Variants in SNX25 observed in about 807,000 individuals in gnomAD.
SNX25 encodes sorting nexin-25.
A neutral mutation model predicts 113.7 loss-of-function variants in SNX25; 62 were observed. The ratio of observed to expected loss-of-function variants is 0.55; its 90% CI spans 0.44 to 0.67. The LOEUF (loss-of-function observed/expected upper bound fraction) is 0.67. Among genes scored for constraint, SNX25 ranks in the 30% least tolerant of loss-of-function variants. SNX25 has a pLI of 0.00. For synonymous variants in SNX25, 421 were observed against 436.2 expected (o/e 0.97, Z 0.43); for missense variants, 1,014 against 1,161.0 (o/e 0.87, Z 1.84).
chr4:185,309,167 G>A (rs1199168875), intron 6 of SNX25, among the ~76,000 whole-genome samples: 2 of 152,070 alleles, frequency 1.3e-5, no homozygotes, highest in Non-Finnish European at 2.9e-5. Flanking sequence ...GCTGTGGTTC[G>A]GGGAGCCTCG....
chr4:185,268,324 A>G (rs1011205410), intron 5 of SNX25, among the ~76,000 whole-genome samples: 1 of 152,154 alleles, frequency 6.6e-6, no homozygotes, highest in Admixed American at 6.5e-5. Flanking sequence ...TTTTGAGAAA[A>G]CACATTTGAA....
At chr4:185,376,577 A>G in the SNX25 span, among the ~76,000 whole-genome samples, 1 of 151,466 alleles carries the variant, frequency 6.6e-6, no homozygotes, top group Non-Finnish European at 1.5e-5. Context: ...TACAGGCGTG[A>G]GCCACCGCAC....
chr4:185,362,881 C>A (rs1013085901), intron 18 of SNX25, among the ~76,000 whole-genome samples, 170 bp downstream of exon 18: 3 of 134,640 alleles, frequency 2.2e-5, no homozygotes, highest in African/African-American at 8.5e-5. Flanking sequence ...TCGCTCTTGT[C>A]CCCCAGGCTG....
At chr4:185,223,517 G>A (rs894026342) in intron 1 of SNX25, among the ~76,000 whole-genome samples, 2 of 152,146 alleles carry the variant, frequency 1.3e-5, no homozygotes, top group South Asian at 2.1e-4. Flanking sequence ...TAGAAGTCAC[G>A]GTGGCCGGGG....
At chr4:185,296,279 C>CA (rs1752825298) in intron 6 of SNX25, among the ~76,000 whole-genome samples, 1 of 152,170 alleles carries the variant, frequency 6.6e-6, no homozygotes, top group Non-Finnish European at 1.5e-5. Context: ...ACCACAGCAG[C>CA]AGCTAACCGT....
At chr4:185,212,321 T>G (rs1737956985) in intron 1 of SNX25, among the ~76,000 whole-genome samples, 1 of 150,850 alleles carries the variant, frequency 6.6e-6, no homozygotes, top group African/African-American at 2.4e-5. Context: ...TTTAAATTTT[T>G]TAAGTGCATT....
chr4:185,250,659 G>A (rs892080658), intron 2 of SNX25, among the ~76,000 whole-genome samples: 2 of 151,180 alleles, frequency 1.3e-5, no homozygotes, highest in Admixed American at 6.6e-5. Context: ...TAATTGCTAA[G>A]TTTGGTTGCT....
At chr4:185,268,147 G>A (rs1350551715) in intron 5 of SNX25, among the ~76,000 whole-genome samples, 1 of 152,144 alleles carries the variant, frequency 6.6e-6, no homozygotes, top group Non-Finnish European at 1.5e-5. Flanking sequence ...TTCAGATGTC[G>A]GGAGTACCTG....
chr4:185,286,572 G>A (rs570906805), intron 5 of SNX25, among the ~76,000 whole-genome samples: 64 of 152,300 alleles, frequency 4.2e-4, no homozygotes, highest in Non-Finnish European at 5.6e-4. Flanking sequence ...ATCCCTACCC[G>A]GTGACTCCTG....
intron 9 of SNX25, among the ~76,000 whole-genome samples, chr4:185,330,915 T>C (rs2095189690): frequency 6.6e-6 from 1 of 152,218 alleles, no homozygotes; most frequent in Admixed American, 6.5e-5. Context: ...GTTATCTCTG[T>C]ACTTCAGAAA....
chr4:185,282,358 A>G (rs1303701116), intron 5 of SNX25, among the ~76,000 whole-genome samples: 1 of 152,096 alleles, frequency 6.6e-6, no homozygotes, highest in Non-Finnish European at 1.5e-5. Flanking sequence ...TAGTAAAGAC[A>G]GAGTTTCACC....
chr4:185,324,245 T>C (rs2095140383), intron 9 of SNX25, among the ~76,000 whole-genome samples: 1 of 152,066 alleles, frequency 6.6e-6, no homozygotes, highest in Non-Finnish European at 1.5e-5. Flanking sequence ...AGGTAGGGAA[T>C]GTGGGAGAAG....
intron 1 of SNX25, among the ~76,000 whole-genome samples, chr4:185,218,555 G>C (rs2126328385): frequency 6.6e-6 from 1 of 152,334 alleles, no homozygotes; most frequent in East Asian, 1.9e-4. Context: ...GCCACTCTAG[G>C]CACTTGCCAG....
chr4:185,322,201 G>C (rs1390303632), intron 8 of SNX25, among the ~76,000 whole-genome samples: 1 of 152,208 alleles, frequency 6.6e-6, no homozygotes, highest in Non-Finnish European at 1.5e-5. Flanking sequence ...GGGAGGCCAA[G>C]GTGGACAGTT....
chr4:185,266,256 G>C (rs556582786), intron 4 of SNX25, among the ~76,000 whole-genome samples: 24 of 152,252 alleles, frequency 1.6e-4, no homozygotes, highest in African/African-American at 5.1e-4. Flanking sequence ...CAGTTGGGGA[G>C]AATGTTGACT....
At chr4:185,335,313 G>GTCTC (rs202236288) in intron 10 of SNX25, among the ~76,000 whole-genome samples, 1 of 103,170 alleles carries the variant, frequency 9.7e-6, no homozygotes, top group East Asian at 2.6e-4. Context: ...GAGTGAAAAA[G>GTCTC]TCTCACACAC....
intron 4 of SNX25, 46 bp downstream of exon 4, chr4:185,264,656 T>G (rs371169295): frequency 5.7e-6 from 9 of 1,582,028 alleles, no homozygotes; most frequent in Non-Finnish European, 6.9e-6. Context: ...GTGTGCAAAC[T>G]AATGTGCTAC....
chr4:185,251,944 G>GTTTATTATAC (rs1376993558), intron 2 of SNX25, among the ~76,000 whole-genome samples: 2 of 151,394 alleles, frequency 1.3e-5, no homozygotes, highest in Non-Finnish European at 2.9e-5. Context: ...AAGCGTTTCA[G>GTTTATTATAC]TTTATTATAC....
intron 1 of SNX25, among the ~76,000 whole-genome samples, chr4:185,221,609 T>A (rs1739870632): frequency 6.6e-6 from 1 of 152,164 alleles, no homozygotes; most frequent in Non-Finnish European, 1.5e-5. Flanking sequence ...TTGATTCTTT[T>A]GAAAATGCAA....
Sources: allele counts gnomAD v4.1 joint callset (sites outside exome capture counted in the v4.1 genomes callset), GRCh38; gene constraint gnomAD v4.1.1; transcripts MANE v1.5; gene names NCBI Gene and HGNC (gene_info 2026-07-23, HGNC 2026-07-21).